Variants in PSMG2 observed in about 807,000 individuals in gnomAD.
PSMG2 encodes CD40 ligand-activated specific transcript 3.
PSMG2 carries 21 observed loss-of-function variants against 31.5 expected under a neutral mutation model. That is an observed-to-expected ratio of 0.67 (90% confidence interval 0.47 to 0.96). The LOEUF is 0.96. Ranked by LOEUF, PSMG2 falls within the 40% of genes least tolerant of loss-of-function variation. PSMG2 has a pLI of 0.00. For missense variants in PSMG2, 318 were observed against 321.2 expected (o/e 0.99, Z 0.08); for synonymous variants, 120 against 110.4 (o/e 1.09, Z -0.54).
At chr18:12,665,111 C>G (rs74782714) in intron 1 of PSMG2, 1 of 152,028 alleles carries the variant, frequency 6.6e-6, no homozygotes, top group African/African-American at 2.4e-5. Flanking sequence ...TCTACTTTGA[C>G]CCTATGAGAA....
At chr18:12,671,642 C>CTTTTT (rs869130220) in intron 1 of PSMG2, among the ~76,000 whole-genome samples, 971 of 55,586 alleles carry the variant, frequency 0.017, 4 homozygotes, top group Non-Finnish European at 0.021. Context: ...TTCACACTTT[C>CTTTTT]TTTTTTTTTT....
chr18:12,711,650 A>G (rs2040332641), intron 2 of PSMG2, among the ~76,000 whole-genome samples: 1 of 150,888 alleles, frequency 6.6e-6, no homozygotes, highest in Admixed American at 6.6e-5. Flanking sequence ...ATTTGCTGTT[A>G]TTTGCAATCT....
At chr18:12,724,343 CTG>C (rs914906014) in intron 5 of PSMG2, 154 bp from the exon 6 acceptor site, 2 of 704,092 alleles carry the variant, frequency 2.8e-6, no homozygotes, top group Non-Finnish European at 4.3e-6. Context: ...GTAGAAAACT[CTG>C]TGTGGGGCGA....
At chr18:12,714,108 C>T (rs2040355704) in intron 3 of PSMG2, among the ~76,000 whole-genome samples, 1 of 152,232 alleles carries the variant, frequency 6.6e-6, no homozygotes, top group Non-Finnish European at 1.5e-5. Flanking sequence ...TTCAAATTCA[C>T]AGCCCTTACT....
chr18:12,697,473 T>C, intron 1 of PSMG2: 1 of 1,067,792 alleles, frequency 9.4e-7, no homozygotes, highest in Non-Finnish European at 1.3e-6. Context: ...CATAAAAGAA[T>C]ACTTTTATTA....
At chr18:12,710,821 C>T (rs76780647) in intron 2 of PSMG2, among the ~76,000 whole-genome samples, 11,635 of 152,204 alleles carry the variant, frequency 0.076, 614 homozygotes, top group Middle Eastern at 0.16. Flanking sequence ...TTGCATAGGC[C>T]GGGCACGGTG....
At position 12,712,683 on chromosome 18, in the gene PSMG2, TTTC is replaced by T. The variant is rs1305213897; in HGVS notation, c.230-13_230-11del. 17 of 1,565,992 alleles carry T rather than the reference TTTC, an allele frequency of 1.1e-5. No individual in the cohort carries two copies. Among genetic ancestry groups the T allele is most frequent in the African/African-American group, 2.7e-5 (2 of 73,666 alleles). On this transcript the variant is annotated splice_polypyrimidine_tract_variant and intron_variant, in intron 2 of 6. Transcript: ENST00000317615. Reference sequence around the variant, plus strand: ...TAACTTCACTGTCATATGATTTCATTTTCTTCTTGTTTTTATAGTGTATTCATT... The same window carrying T: ...TAACTTCACTGTCATATGATTTCATTTTCTTGTTTTTATAGTGTATTCATT...
At chr18:12,699,157 A>C (rs760230672), upstream of PSMG2, 2 of 1,614,088 alleles carry the variant, frequency 1.2e-6, no homozygotes, top group South Asian at 2.2e-5. Flanking sequence ...AAGCTTTTCC[A>C]CCCAAAACCT....
At chr18:12,723,795 T>G (rs760559544) in intron 5 of PSMG2, among the ~76,000 whole-genome samples, 32 of 152,206 alleles carry the variant, frequency 2.1e-4, no homozygotes, top group Admixed American at 7.2e-4. Context: ...CACTACCTCC[T>G]TTCAGCCTCA....
chr18:12,686,696 C>G, intron 1 of PSMG2: 1 of 331,698 alleles, frequency 3.0e-6, no homozygotes, highest in Non-Finnish European at 5.6e-6. Flanking sequence ...GGTTCAAGCT[C>G]TGAGCTGTTT....
chr18:12,712,772 G>C lies in PSMG2; in HGVS notation c.288+12G>C. ...CCATTTTTATTAAGGTTAGTATGTTGTAGTTTGCCTTTTTGTTTATTAAAG... is the reference window on the plus strand; with the variant it reads ...CCATTTTTATTAAGGTTAGTATGTTCTAGTTTGCCTTTTTGTTTATTAAAG... On this transcript the variant is annotated intron_variant, in intron 3 of 6. Coordinates refer to ENST00000317615, the MANE Select transcript of PSMG2 (RefSeq NM_020232.5). 1 of 1,590,278 alleles carries C rather than the reference G, an allele frequency of 6.3e-7. No homozygotes were observed.
rs776243918 is a variant in PSMG2, at chr18:12,697,267, G to A, written c.-36-9283G>A. Reference sequence around the variant, plus strand: ...AGTCAGACTGGTCACTCCATTTTCTGAGCCCAAAACCGATCGCCATTCCAG... The same window carrying A: ...AGTCAGACTGGTCACTCCATTTTCTAAGCCCAAAACCGATCGCCATTCCAG... On this transcript the variant is annotated intron_variant, in intron 1 of 6. Transcript: ENST00000585331. 52 of 1,613,306 alleles carry A rather than the reference G, an allele frequency of 3.2e-5. No individual in the cohort carries two copies. The highest frequency in any genetic ancestry group is 4.1e-5 in the Non-Finnish European group (48 of 1,179,720).
intron 1 of PSMG2, among the ~76,000 whole-genome samples, chr18:12,694,779 T>C (rs1280970489): frequency 6.6e-6 from 1 of 151,838 alleles, no homozygotes; most frequent in Non-Finnish European, 1.5e-5. Flanking sequence ...TGGTGCGATC[T>C]GGGCTCACTG....
At chr18:12,706,408 A>G in intron 1 of PSMG2, 142 bp from the exon 2 acceptor site, 1 of 777,978 alleles carries the variant, frequency 1.3e-6, no homozygotes, top group Non-Finnish European at 2.1e-6. Flanking sequence ...AATTGCTTCA[A>G]GCCAGGAGGC....
At chr18:12,698,846 A>G, upstream of PSMG2, 1 of 640,136 alleles carries the variant, frequency 1.6e-6, no homozygotes, top group South Asian at 2.2e-5. Flanking sequence ...TAAATTGAAA[A>G]GAGCAGTGGG....
At chr18:12,699,042 G>C (rs772713539), upstream of PSMG2, 2 of 1,613,980 alleles carry the variant, frequency 1.2e-6, no homozygotes, top group South Asian at 1.1e-5. Flanking sequence ...CAGGCACATG[G>C]AACAGGTTTA....
At chr18:12,711,010 G>A (rs2040324699) in intron 2 of PSMG2, among the ~76,000 whole-genome samples, 1 of 152,110 alleles carries the variant, frequency 6.6e-6, no homozygotes, top group South Asian at 2.1e-4. Flanking sequence ...TGAGACAGGA[G>A]AATCGCTTGA....
intron 3 of PSMG2, among the ~76,000 whole-genome samples, chr18:12,714,242 T>C (rs1351474125): frequency 1.3e-5 from 2 of 152,174 alleles, no homozygotes; most frequent in Non-Finnish European, 2.9e-5. Flanking sequence ...GAGCCCCATA[T>C]GCAAAAAGCC....
intron 1 of PSMG2, chr18:12,678,371 CG>C: frequency 6.2e-7 from 1 of 1,613,962 alleles, no homozygotes; most frequent in East Asian, 2.2e-5. Context: ...ACCAATTGTT[CG>C]ATATGGGTAC....
Sources: allele counts gnomAD v4.1 joint callset (sites outside exome capture counted in the v4.1 genomes callset), GRCh38; gene constraint gnomAD v4.1.1; transcripts MANE v1.5; gene names NCBI Gene and HGNC (gene_info 2026-07-23, HGNC 2026-07-21).